RFX4: variants seen among roughly 807,000 people sequenced by gnomAD.
RFX4 encodes the protein transcription factor RFX4.
In RFX4, 10 loss-of-function variants were observed where a neutral mutation model predicts 95.0. The observed-to-expected ratio is 0.11, with a 90% confidence interval of 0.06 to 0.18. The LOEUF (loss-of-function observed/expected upper bound fraction) is 0.18. Among genes scored for constraint, RFX4 ranks in the 10% least tolerant of loss-of-function variants. RFX4 has a pLI of 1.00. For synonymous variants in RFX4, 321 were observed against 340.7 expected (o/e 0.94, Z 0.64); for missense variants, 640 against 922.0 (o/e 0.69, Z 3.96).
At chr12:106,656,104 C>A (rs1406524312) in intron 4 of RFX4, among the ~76,000 whole-genome samples, 2 of 152,154 alleles carry the variant, frequency 1.3e-5, no homozygotes, top group East Asian at 3.9e-4. Flanking sequence ...CACGCCTTCA[C>A]CTCAGCACCC....
chr12:106,749,520 C>A (rs1048380802), intron 16 of RFX4, among the ~76,000 whole-genome samples: 42 of 152,140 alleles, frequency 2.8e-4, no homozygotes, highest in African/African-American at 9.6e-4. Flanking sequence ...TCTCAGGGGG[C>A]CTTTGAGAGT....
intron 1 of RFX4, among the ~76,000 whole-genome samples, chr12:106,594,964 T>A (rs1338119575): frequency 6.6e-6 from 1 of 152,148 alleles, no homozygotes; most frequent in African/African-American, 2.4e-5. Flanking sequence ...TTTCCATAAT[T>A]GACAGCAGGC....
At chr12:106,666,833 C>A (rs2041186511) in intron 4 of RFX4, among the ~76,000 whole-genome samples, 1 of 152,174 alleles carries the variant, frequency 6.6e-6, no homozygotes, top group African/African-American at 2.4e-5. Context: ...TCAATTAGAA[C>A]CCTTAGCAAA....
chr12:106,668,303 C>T (rs2041216433), intron 4 of RFX4, among the ~76,000 whole-genome samples: 1 of 151,160 alleles, frequency 6.6e-6, no homozygotes. Flanking sequence ...AAGGTCAAAG[C>T]TCCCAGTTCA....
rs548673599 is a variant in RFX4, at chr12:106,729,200, A to G, written c.1352-2930A>G. Among the ~76,000 whole-genome samples, 6 of 152,290 alleles carry G rather than the reference A, an allele frequency of 3.9e-5. 1 individual carries two copies. The South Asian group carries it at 1.2e-3, about 32-fold the overall frequency. ...TTTATCATCCAAGCTTTCCATGCTAATTCATTATTTCATAGTACATTTCTC... is the reference window on the plus strand; with the variant it reads ...TTTATCATCCAAGCTTTCCATGCTAGTTCATTATTTCATAGTACATTTCTC... On this transcript the variant is annotated intron_variant, in intron 13 of 17. Coordinates refer to ENST00000392842, the MANE Select transcript of RFX4 (RefSeq NM_213594.3).
chr12:106,761,146 T>C, intron 17 of RFX4, 51 bp from the exon 18 acceptor site: 1 of 1,579,996 alleles, frequency 6.3e-7, no homozygotes, highest in Non-Finnish European at 8.6e-7. Flanking sequence ...ATTGTGTATA[T>C]GCAACCTCAA....
chr12:106,759,239 A>AG (rs1197548930), intron 17 of RFX4, among the ~76,000 whole-genome samples: 2 of 152,170 alleles, frequency 1.3e-5, no homozygotes, highest in African/African-American at 4.8e-5. Context: ...GGCAGGAGCC[A>AG]GGGGTAGGGG....
intron 3 of RFX4, among the ~76,000 whole-genome samples, chr12:106,640,483 G>C (rs1033986337): frequency 2.6e-5 from 4 of 152,240 alleles, no homozygotes; most frequent in Non-Finnish European, 5.9e-5. Context: ...TCTCTAACAA[G>C]AGCCTCAGCA....
chr12:106,664,805 G>A (rs894826664), intron 4 of RFX4, among the ~76,000 whole-genome samples: 4 of 151,644 alleles, frequency 2.6e-5, no homozygotes, highest in African/African-American at 9.7e-5. Context: ...CATGAGTTAT[G>A]TAGAATTGTT....
rs1466215581 is a variant in RFX4, at chr12:106,682,192, T to C, written c.377+138T>C. Reference sequence around the variant, plus strand: ...TGCCTAGAGGGAATATGGAAGAGCTTTATGACGGCCAGGGCCCCTCTCTCA... The same window carrying C: ...TGCCTAGAGGGAATATGGAAGAGCTCTATGACGGCCAGGGCCCCTCTCTCA... On this transcript the variant is annotated intron_variant, in intron 5 of 17. Transcript: ENST00000392842. 8.4e-6 allele frequency: 7 copies of C among 829,492 alleles called. No individual in the cohort carries two copies. The East Asian group carries it at 1.8e-4, about 21-fold the overall frequency. 51.4% of individuals were successfully genotyped at this position (829,492 alleles called of 1,614,324 possible).
intron 4 of RFX4, among the ~76,000 whole-genome samples, chr12:106,678,189 T>C (rs1295428523): frequency 6.6e-6 from 1 of 152,112 alleles, no homozygotes; most frequent in East Asian, 1.9e-4. Context: ...GTAGAACAAA[T>C]GGCTCCAGAA....
intron 10 of RFX4, among the ~76,000 whole-genome samples, chr12:106,714,073 A>AAAAAAAAAAAAAAAAAAAC (rs2042241820): frequency 6.7e-6 from 1 of 149,408 alleles, no homozygotes; most frequent in Non-Finnish European, 1.5e-5. Context: ...CATCTCAAAA[A>AAAAAAAAAAAAAAAAAAAC]AAAAAAAAAA....
chr12:106,605,377 A>G (rs1222647915), intron 1 of RFX4, among the ~76,000 whole-genome samples: 1 of 152,196 alleles, frequency 6.6e-6, no homozygotes, highest in Non-Finnish European at 1.5e-5. Flanking sequence ...GGCTTGTGAG[A>G]CATGAATTGG....
At chr12:106,703,368 T>G (rs1260516996) in intron 8 of RFX4, among the ~76,000 whole-genome samples, 1 of 152,256 alleles carries the variant, frequency 6.6e-6, no homozygotes, top group Non-Finnish European at 1.5e-5. Flanking sequence ...GAGGGGATTA[T>G]GGCCACATTT....
At chr12:106,750,546 G>GAAA in intron 16 of RFX4, 109 bp from the exon 17 acceptor site, 1 of 1,088,456 alleles carries the variant, frequency 9.2e-7, no homozygotes, top group Non-Finnish European at 1.2e-6. Flanking sequence ...GAAAAGAAAA[G>GAAA]AGAAAAAAGA....
At chr12:106,736,514 C>T (rs773900939) in intron 15 of RFX4, among the ~76,000 whole-genome samples, 2 of 152,162 alleles carry the variant, frequency 1.3e-5, no homozygotes, top group South Asian at 2.1e-4. Flanking sequence ...AAAAAGGGCA[C>T]GGAGGATGAA....
At chr12:106,731,881 A>C (rs1412801391) in intron 13 of RFX4, among the ~76,000 whole-genome samples, 1 of 152,198 alleles carries the variant, frequency 6.6e-6, no homozygotes, top group Non-Finnish European at 1.5e-5. Context: ...TACTGATATA[A>C]CTTCAGCAAG....
At chr12:106,638,622 A>G (rs2040560273) in intron 2 of RFX4, among the ~76,000 whole-genome samples, 1 of 152,196 alleles carries the variant, frequency 6.6e-6, no homozygotes, top group Non-Finnish European at 1.5e-5. Flanking sequence ...ACAGAGATTT[A>G]TTTCTCTATT....
chr12:106,626,001 C>G (rs1028786394), intron 2 of RFX4, among the ~76,000 whole-genome samples: 1 of 152,180 alleles, frequency 6.6e-6, no homozygotes, highest in African/African-American at 2.4e-5. Context: ...GATCCCTGCT[C>G]TCAATGAATT....
Sources: allele counts gnomAD v4.1 joint callset (sites outside exome capture counted in the v4.1 genomes callset), GRCh38; gene constraint gnomAD v4.1.1; transcripts MANE v1.5; gene names NCBI Gene and HGNC (gene_info 2026-07-23, HGNC 2026-07-21).